MEGF6: variants seen among roughly 807,000 people sequenced by gnomAD.
MEGF6 encodes multiple epidermal growth factor-like domains protein 6.
MEGF6 carries 184 observed loss-of-function variants against 207.1 expected under a neutral mutation model. The observed-to-expected ratio is 0.89, with a 90% CI of 0.79 to 1.00. The LOEUF is 1.00. Ranked by LOEUF, MEGF6 falls within the 50% of genes least tolerant of loss-of-function variation. The pLI is 0.00. For synonymous variants in MEGF6, 1,038 were observed against 910.0 expected, an observed-to-expected ratio of 1.14 and a Z score of -2.53; for missense variants, 2,282 against 2,202.9, an observed-to-expected ratio of 1.04 and a Z score of -0.72.
chr1:3,601,905 C>T (rs542353773), intron 2 of MEGF6, among the ~76,000 whole-genome samples: 17 of 152,356 alleles, frequency 1.1e-4, no homozygotes, highest in Admixed American at 2.6e-4. Context: ...TCTGAGAATG[C>T]GTTCCTGCCT....
At chr1:3,503,533 G>A (rs753739708) in intron 17 of MEGF6, among the ~76,000 whole-genome samples, 9 of 152,060 alleles carry the variant, frequency 5.9e-5, no homozygotes, top group African/African-American at 1.7e-4. Flanking sequence ...GGGGCTCCGG[G>A]AGTGGTGGAG....
chr1:3,499,773 C>A lies in MEGF6; in HGVS notation c.2836+23G>T, dbSNP rs767560598. The A allele has an allele frequency of 2.3e-5, 37 of 1,575,340 alleles. No individual in the cohort carries two copies. The South Asian group carries it at 3.9e-4, about 17-fold the overall frequency. ...CCACACTGGAGGCCACCCAGCCTAG[C>A]CCCCGCCTGTGCCGTAGCTCACCAT... On this transcript the variant is annotated intron_variant, in intron 22 of 36. Transcript: ENST00000356575.
chr1:3,553,227 C>T (rs942433192), intron 4 of MEGF6, among the ~76,000 whole-genome samples: 15 of 151,362 alleles, frequency 9.9e-5, no homozygotes, highest in African/African-American at 3.2e-4. Flanking sequence ...TGGGGATCCA[C>T]GGCCGATCGG....
At chr1:3,540,190 C>G (rs750788428) in intron 4 of MEGF6, among the ~76,000 whole-genome samples, 1 of 152,236 alleles carries the variant, frequency 6.6e-6, no homozygotes, top group Non-Finnish European at 1.5e-5. Flanking sequence ...ATTATTTTCC[C>G]GGCTTGGCCT....
At chr1:3,505,396 C>A in intron 16 of MEGF6, 26 bp downstream of exon 16, 1 of 1,600,176 alleles carries the variant, frequency 6.2e-7, no homozygotes, top group Non-Finnish European at 8.5e-7. Flanking sequence ...GCGCCCCCCG[C>A]CCCCAGACCC....
In MEGF6 at chr1:3,495,033, G is replaced by A. The variant is rs149391143; in HGVS notation, c.3872-292C>T. Among the ~76,000 whole-genome samples the A allele has an allele frequency of 2.0e-3, 309 of 152,332 alleles. 1 individual carries two copies. Among genetic ancestry groups the A allele is most frequent in the African/African-American group, 6.5e-3 (271 of 41,572 alleles). ...GCCTGCAGGAAGGGGTTCACAGAAG[G>A]CTTCACGGAGGCAGCGGCCCACTGT... On this transcript the variant is annotated intron_variant, in intron 30 of 36. Coordinates refer to ENST00000356575, the MANE Select transcript of MEGF6 (RefSeq NM_001409.4).
At chr1:3,590,980 C>T (rs947098208) in intron 3 of MEGF6, among the ~76,000 whole-genome samples, 3 of 148,484 alleles carry the variant, frequency 2.0e-5, no homozygotes, top group Non-Finnish European at 4.5e-5. Flanking sequence ...TGGCTGGGCG[C>T]GGCCCCAGTG....
chr1:3,515,479 A>C lies in MEGF6; in HGVS notation c.653T>G (p.Val218Gly), dbSNP rs1641509889. 2 of 1,612,756 alleles carry C rather than the reference A, an allele frequency of 1.2e-6. No individual in the cohort carries two copies. The highest frequency in any genetic ancestry group is 1.7e-6 in the Non-Finnish European group (2 of 1,179,922). Residue 218 changes from valine (V) to glycine (G), a missense_variant, in exon 6 of 37, where the codon GTC (valine) becomes GGC (glycine). Coordinates refer to ENST00000356575, the MANE Select transcript of MEGF6 (RefSeq NM_001409.4). ...GCGATGCCGAGTGATTGTGAGCTGG[A>C]CACAGTGGTGCTGGCAGCCGCCATT... ...LGNGGCQHHCVQLTITRHRCQ... is the reference protein window; with the variant it reads ...LGNGGCQHHCGQLTITRHRCQ...
At chr1:3,531,520 C>T (rs888010810) in intron 4 of MEGF6, 2 of 1,039,594 alleles carry the variant, frequency 1.9e-6, no homozygotes, top group South Asian at 4.5e-5. Context: ...GGCCCCGCCC[C>T]GAGCCCCGCC....
At chr1:3,490,888 AC>A (rs1263981464) in intron 36 of MEGF6, 23 bp downstream of exon 36, 1 of 1,573,332 alleles carries the variant, frequency 6.4e-7, no homozygotes, top group Non-Finnish European at 8.6e-7. Flanking sequence ...TGGCAAGCCC[AC>A]GGGCATTCCC....
At chr1:3,504,165 G>T (rs893648088) in intron 17 of MEGF6, among the ~76,000 whole-genome samples, 4 of 152,058 alleles carry the variant, frequency 2.6e-5, no homozygotes, top group Non-Finnish European at 5.9e-5. Context: ...GGCTGGCGCC[G>T]GGCTTCTCGC....
chr1:3,585,056 GT>G (rs1220280086), intron 3 of MEGF6, among the ~76,000 whole-genome samples: 4 of 151,936 alleles, frequency 2.6e-5, no homozygotes, highest in East Asian at 2.0e-4. Context: ...GTGGGAGTGA[GT>G]GACACGTGTC....
intron 2 of MEGF6, among the ~76,000 whole-genome samples, chr1:3,597,481 CA>C (rs1343188080): frequency 6.6e-6 from 1 of 152,216 alleles, no homozygotes; most frequent in African/African-American, 2.4e-5. Flanking sequence ...CCCACAAACT[CA>C]GGTCCACCCG....
chr1:3,608,081 G>A (rs1032242098), intron 1 of MEGF6, among the ~76,000 whole-genome samples: 3 of 151,858 alleles, frequency 2.0e-5, no homozygotes, highest in African/African-American at 4.8e-5. Context: ...GGCGGGGCTC[G>A]CTCAGGCCAA....
In MEGF6 at chr1:3,546,580, T is replaced by C. The variant is rs1372111299; in HGVS notation, c.482-22334A>G. Among the ~76,000 whole-genome samples the C allele has an allele frequency of 3.6e-3, 248 of 68,840 alleles. 1 individual carries two copies. Among genetic ancestry groups the C allele is most frequent in the African/African-American group, 0.013 (224 of 17,724 alleles). 45.2% of individuals were successfully genotyped at this position (68,840 alleles called of 152,430 possible). A position where few individuals can be genotyped will look rare whatever the true frequency, so the allele number is the denominator to read the frequency against. On this transcript the variant is annotated intron_variant, in intron 4 of 36. Transcript: ENST00000356575. The stretch of plus-strand genomic sequence containing the variant: ...GGAAGGGGGCTGCCAGGGAGGCCGC[T>C]GAGGCGGGGTGGCAGTGGGCTGGGA...
chr1:3,497,636 C>CAGAT (rs768140845), intron 26 of MEGF6: 1 of 632,928 alleles, frequency 1.6e-6, no homozygotes, highest in Non-Finnish European at 2.9e-6. Context: ...AGGGACGAGA[C>CAGAT]AGATAGGGCT....
chr1:3,607,119 C>A (rs894824349), intron 1 of MEGF6, among the ~76,000 whole-genome samples: 1 of 152,006 alleles, frequency 6.6e-6, no homozygotes, highest in South Asian at 2.1e-4. Flanking sequence ...GGGTGCTCCC[C>A]TCAGAAGGGC....
At chr1:3,525,603 C>T (rs760750800) in intron 4 of MEGF6, among the ~76,000 whole-genome samples, 1 of 152,224 alleles carries the variant, frequency 6.6e-6, no homozygotes, top group Non-Finnish European at 1.5e-5. Flanking sequence ...GGCCTACCTG[C>T]TCCTGTCCCC....
At chr1:3,510,979 T>C in intron 9 of MEGF6, 77 bp from the exon 10 acceptor site, 4 of 1,533,936 alleles carry the variant, frequency 2.6e-6, no homozygotes, top group Non-Finnish European at 3.5e-6. Context: ...CACAACTGCA[T>C]ACGACCACAC....
Sources: gnomAD v4.1 joint callset for allele counts (sites outside exome capture counted in the v4.1 genomes callset) on GRCh38, gnomAD v4.1.1 for gene constraint, MANE v1.5 for transcripts, NCBI Gene and HGNC (gene_info 2026-07-23, HGNC 2026-07-21) for gene names.